The following BBX variants were observed in gnomAD, a reference collection of about 807,000 sequenced individuals.
BBX encodes HMG box transcription factor BBX.
In BBX, 30 loss-of-function variants were observed where a neutral mutation model predicts 100.2. The observed-to-expected ratio is 0.30, with a 90% CI of 0.22 to 0.41. BBX has a LOEUF of 0.41. Ranked by LOEUF, BBX falls within the 10% of genes least tolerant of loss-of-function variation. The probability of loss-of-function intolerance (pLI) is 1.00; values close to 1 mark genes in which losing one functional copy is unlikely to be tolerated. For synonymous variants in BBX, 376 were observed against 388.1 expected, an observed-to-expected ratio of 0.97 and a Z score of 0.37; for missense variants, 1,023 against 1,129.8, an observed-to-expected ratio of 0.91 and a Z score of 1.35.
chr3:107,748,577 C>T lies in BBX; in HGVS notation c.825+538C>T, dbSNP rs79953755. 2.6e-3 allele frequency among the ~76,000 whole-genome samples: 390 copies of T among 152,190 alleles called. 2 individuals carry two copies. The highest frequency in any genetic ancestry group is 8.8e-3 in the African/African-American group (367 of 41,542). ...TCTCAGACTTCCTTGGTTTGTCAGCCGAAGAGAGCACACACCAGAGGGTAA... is the reference window on the plus strand; with the variant it reads ...TCTCAGACTTCCTTGGTTTGTCAGCTGAAGAGAGCACACACCAGAGGGTAA... On this transcript the variant is annotated intron_variant, in intron 9 of 17. Coordinates refer to ENST00000325805, the MANE Select transcript of BBX (RefSeq NM_001142568.3).
chr3:107,799,099 G>C (rs573462042), intron 16 of BBX, among the ~76,000 whole-genome samples: 1 of 151,526 alleles, frequency 6.6e-6, no homozygotes, highest in South Asian at 2.1e-4. Context: ...GCAGTGAGCC[G>C]AGATCGCGCC....
chr3:107,744,279 A>G (rs578097605), intron 7 of BBX, among the ~76,000 whole-genome samples: 2 of 152,190 alleles, frequency 1.3e-5, no homozygotes, highest in African/African-American at 4.8e-5. Flanking sequence ...TAAAGATGGG[A>G]TTTTTTAGCA....
chr3:107,706,429 A>G (rs1048338998), intron 3 of BBX, among the ~76,000 whole-genome samples: 12 of 152,120 alleles, frequency 7.9e-5, no homozygotes, highest in African/African-American at 2.9e-4. Flanking sequence ...CTGTCCTGCC[A>G]TACACAGAAA....
In BBX at chr3:107,608,948, G is replaced by A. The variant is rs116802627; in HGVS notation, c.-83-36888G>A. On this transcript the variant is annotated intron_variant, in intron 2 of 17. Coordinates refer to ENST00000325805, the MANE Select transcript of BBX (RefSeq NM_001142568.3). ...CTGAATCTGTTTATAAGTTCTAATA[G>A]TTTTTGGGGGAATCTTTAGGTTTTT... is the stretch of plus-strand genomic sequence containing the variant. Among the ~76,000 whole-genome samples, 751 of 152,200 alleles carry A rather than the reference G, an allele frequency of 4.9e-3. 7 individuals are homozygous for A. The highest frequency in any genetic ancestry group is 0.016 in the African/African-American group (676 of 41,536).
chr3:107,657,303 C>G (rs144447357), intron 3 of BBX: 1 of 152,280 alleles, frequency 6.6e-6, no homozygotes, highest in Non-Finnish European at 1.5e-5. Context: ...CAGAACTAGT[C>G]TTTCCCATTT....
chr3:107,750,197 A>G (rs1178449858), intron 9 of BBX, among the ~76,000 whole-genome samples: 1 of 152,196 alleles, frequency 6.6e-6, no homozygotes, highest in African/African-American at 2.4e-5. Context: ...AGAGTCATGC[A>G]GGGTGTCATT....
rs542490552 is a variant in BBX at position 107,616,904 on chromosome 3, A to G, written c.-83-28932A>G. Among the ~76,000 whole-genome samples, 8 of 152,240 alleles carry G rather than the reference A, an allele frequency of 5.3e-5. No homozygotes were observed. The South Asian group carries it at 1.7e-3, about 32-fold the overall frequency. On this transcript the variant is annotated intron_variant, in intron 2 of 17. Transcript: ENST00000325805. Reference sequence around the variant, plus strand: ...AAATGTTTCAAATTTCAAAGTCCAGATTACTAATTTTACCTTTTATGGATC... The same window carrying G: ...AAATGTTTCAAATTTCAAAGTCCAGGTTACTAATTTTACCTTTTATGGATC...
chr3:107,532,294 A>G (rs2048215196), intron 2 of BBX, among the ~76,000 whole-genome samples: 1 of 152,212 alleles, frequency 6.6e-6, no homozygotes, highest in Non-Finnish European at 1.5e-5. Context: ...TGAGTTTTAT[A>G]GGTAGTTCAC....
chr3:107,552,348 A>T (rs539711), intron 2 of BBX, among the ~76,000 whole-genome samples: 29,742 of 61,040 alleles, frequency 0.49, 4,361 homozygotes, highest in Non-Finnish European at 0.55. Context: ...CTGTTTCATT[A>T]AAAAAAAAAA....
At chr3:107,630,454 C>G (rs560773722) in intron 2 of BBX, among the ~76,000 whole-genome samples, 1 of 152,224 alleles carries the variant, frequency 6.6e-6, no homozygotes, top group East Asian at 1.9e-4. Flanking sequence ...CTGTCATTGC[C>G]TAAACTATTT....
At chr3:107,746,070 C>T (rs960559845) in intron 8 of BBX, among the ~76,000 whole-genome samples, 6 of 152,054 alleles carry the variant, frequency 3.9e-5, no homozygotes, top group Middle Eastern at 3.4e-3. Context: ...TTTTTTAGAA[C>T]TTCTGAGATA....
chr3:107,804,053 A>G (rs2070819607), intron 17 of BBX, among the ~76,000 whole-genome samples: 1 of 152,074 alleles, frequency 6.6e-6, no homozygotes, highest in South Asian at 2.1e-4. Flanking sequence ...TCTTGAACAA[A>G]GAGCTGAACA....
chr3:107,790,363 CTG>C (rs1308198395), intron 14 of BBX, among the ~76,000 whole-genome samples: 1 of 152,106 alleles, frequency 6.6e-6, no homozygotes, highest in Non-Finnish European at 1.5e-5. Flanking sequence ...AAGTTGTAAC[CTG>C]TGTCTCTTCT....
intron 3 of BBX, among the ~76,000 whole-genome samples, chr3:107,656,819 CA>C (rs1276910816): frequency 2.6e-5 from 4 of 152,100 alleles, no homozygotes; most frequent in African/African-American, 9.7e-5. Flanking sequence ...TGTCTAGGCA[CA>C]AAAGAGGGAG....
chr3:107,742,598 A>T (rs990058279), intron 7 of BBX, among the ~76,000 whole-genome samples: 2 of 152,198 alleles, frequency 1.3e-5, no homozygotes. Flanking sequence ...GCCATTGGAT[A>T]GCATTTGTTG....
At chr3:107,691,213 C>T (rs2047170) in intron 3 of BBX, among the ~76,000 whole-genome samples, 2 of 152,116 alleles carry the variant, frequency 1.3e-5, no homozygotes, top group East Asian at 3.9e-4. Context: ...TGGCCACTCT[C>T]GTACTTTTTA....
chr3:107,610,927 C>T (rs1267499059), intron 2 of BBX, among the ~76,000 whole-genome samples: 1 of 151,682 alleles, frequency 6.6e-6, no homozygotes, highest in Admixed American at 6.6e-5. Context: ...GTCCTCTTTT[C>T]TTTTTTCCCT....
At chr3:107,785,599 T>C (rs2068331854) in intron 13 of BBX, among the ~76,000 whole-genome samples, 1 of 151,778 alleles carries the variant, frequency 6.6e-6, no homozygotes, top group Admixed American at 6.6e-5. Flanking sequence ...TCCCAATAGA[T>C]CTAGGAAAAG....
Position 107,773,439 on chromosome 3 carries a change from A to G in BBX, c.1718A>G (p.Lys573Arg). 1 of 1,614,084 alleles carries G rather than the reference A, an allele frequency of 6.2e-7. No homozygotes were observed. The highest frequency in any genetic ancestry group is 8.5e-7 in the Non-Finnish European group (1 of 1,179,986). ...NISGETPEGIKAEPLTPMEDA... is the reference protein window; with the variant it reads ...NISGETPEGIRAEPLTPMEDA... ...TCTGGTGAGACACCAGAGGGTATAA[A>G]AGCAGAACCATTGACCCCTATGGAA... The change falls in exon 11 of 18, where the codon AAA becomes AGA. Residue 573 changes from lysine (K) to arginine (R), a missense_variant. Coordinates refer to ENST00000325805, the MANE Select transcript of BBX (RefSeq NM_001142568.3). This position sits in a 1 kb window ranked among gnomAD's most constrained non-coding sequence, Gnocchi z 4.1.
Sources: allele counts gnomAD v4.1 joint callset (sites outside exome capture counted in the v4.1 genomes callset), GRCh38; gene constraint gnomAD v4.1.1; non-coding constraint Gnocchi (gnomAD v3.1); transcripts MANE v1.5; gene names NCBI Gene and HGNC (gene_info 2026-07-23, HGNC 2026-07-21).